The following ABCC4 variants were observed in gnomAD, a reference collection of about 807,000 sequenced individuals.
The protein encoded by ABCC4 is ATP-binding cassette sub-family C member 4.
A neutral mutation model predicts 168.5 loss-of-function variants in ABCC4; 102 were observed. The ratio of observed to expected loss-of-function variants is 0.61; its 90% CI spans 0.52 to 0.71. The LOEUF is 0.71. Among genes scored for constraint, ABCC4 ranks in the 30% least tolerant of loss-of-function variants. The pLI is 0.00. For missense variants in ABCC4, 1,402 were observed against 1,605.8 expected, an observed-to-expected ratio of 0.87 and a Z score of 2.17; for synonymous variants, 617 against 590.7, an observed-to-expected ratio of 1.04 and a Z score of -0.65.
intron 30 of ABCC4, 44 bp from the exon 31 acceptor site, chr13:95,021,726 T>G (rs2031097648): frequency 1.4e-6 from 2 of 1,399,688 alleles, no homozygotes; most frequent in South Asian, 1.2e-5. Flanking sequence ...TTTCAAAATT[T>G]TAAAGTCTCC....
At chr13:95,066,809 T>C (rs1193533636) in intron 25 of ABCC4, among the ~76,000 whole-genome samples, 24 of 152,222 alleles carry the variant, frequency 1.6e-4, no homozygotes, top group Admixed American at 1.6e-3. Context: ...ATTCCCTTGG[T>C]GTAGCTAGAA....
chr13:95,278,084 G>A (rs978761714), intron 1 of ABCC4, among the ~76,000 whole-genome samples: 17 of 151,736 alleles, frequency 1.1e-4, no homozygotes, highest in East Asian at 3.9e-4. Context: ...AGAGAACGCC[G>A]CATGCCATTG....
At chr13:95,247,231 A>C in intron 2 of ABCC4, 136 bp from the exon 3 acceptor site, 1 of 993,760 alleles carries the variant, frequency 1.0e-6, no homozygotes, top group African/African-American at 1.6e-5. Context: ...AATTGCTCCC[A>C]GGGCTCCTGA....
chr13:95,288,005 G>A (rs2041303981), intron 1 of ABCC4, among the ~76,000 whole-genome samples: 1 of 150,552 alleles, frequency 6.6e-6, no homozygotes, highest in South Asian at 2.1e-4. Context: ...TCGCACCACT[G>A]CACTCCAGCC....
intron 1 of ABCC4, among the ~76,000 whole-genome samples, chr13:95,254,490 T>C (rs959306376): frequency 6.6e-6 from 1 of 152,068 alleles, no homozygotes; most frequent in Non-Finnish European, 1.5e-5. Context: ...CTAAATAATG[T>C]CCAAACAGAA....
At chr13:95,031,331 C>T (rs758747570) in intron 30 of ABCC4, among the ~76,000 whole-genome samples, 7 of 152,148 alleles carry the variant, frequency 4.6e-5, no homozygotes, top group Non-Finnish European at 8.8e-5. Context: ...TGAATTTGGG[C>T]GACTAGCTGC....
At chr13:95,185,715 T>C (rs902877968) in intron 11 of ABCC4, among the ~76,000 whole-genome samples, 13 of 152,040 alleles carry the variant, frequency 8.6e-5, no homozygotes, top group African/African-American at 3.1e-4. Context: ...TATTTATCAG[T>C]ATTTACCATT....
At chr13:95,291,838 T>C (rs2041411976) in intron 1 of ABCC4, among the ~76,000 whole-genome samples, 2 of 152,170 alleles carry the variant, frequency 1.3e-5, no homozygotes, top group South Asian at 4.1e-4. Context: ...TCCCAGCTAC[T>C]CGGGAGGCTG....
Position 95,083,213 on chromosome 13 carries a change from A to G in ABCC4, c.2613T>C (p.Leu871=), listed in dbSNP as rs1173775078. 3 of 1,613,966 alleles carry G rather than the reference A, an allele frequency of 1.9e-6. No homozygotes were observed. The part of the protein sequence containing the change: ...IPWIAIPLVP[L]GIIFIFLRRY... The stretch of plus-strand genomic sequence containing the variant: ...GCCGAAGAAAAATGAAAATGATTCC[A>G]AGGGGAACCAAGGGTATTGCGATCC... The change falls in exon 21 of 31, where the codon CTT becomes CTC. Residue 871 remains leucine, a synonymous_variant. Coordinates refer to ENST00000645237, the MANE Select transcript of ABCC4 (RefSeq NM_005845.5).
chr13:95,206,438 T>C, intron 8 of ABCC4, 94 bp downstream of exon 8: 4 of 1,513,508 alleles, frequency 2.6e-6, no homozygotes, highest in Non-Finnish European at 3.6e-6. Flanking sequence ...GAGAGTTAAA[T>C]GTCATTACAC....
intron 21 of ABCC4, among the ~76,000 whole-genome samples, chr13:95,079,491 C>T (rs567860838): frequency 1.6e-4 from 24 of 152,284 alleles, no homozygotes; most frequent in African/African-American, 5.5e-4. Flanking sequence ...AGGCAACCCT[C>T]ATAAGTATTA....
chr13:95,264,835 G>C (rs1327816408), intron 1 of ABCC4, among the ~76,000 whole-genome samples: 2 of 149,018 alleles, frequency 1.3e-5, no homozygotes, highest in Non-Finnish European at 3.0e-5. Flanking sequence ...CTAAAATTTA[G>C]GTATAAGGGG....
At chr13:95,054,021 C>CTTTTTTTTTTTTTTTT (rs55980425) in intron 26 of ABCC4, 17 of 71,632 alleles carry the variant, frequency 2.4e-4, no homozygotes, top group African/African-American at 1.1e-3. Flanking sequence ...ATGGGACATC[C>CTTTTTTTTTTTTTTTT]TTTTTTTTTT....
At chr13:95,259,137 G>T (rs201078452) in intron 1 of ABCC4, among the ~76,000 whole-genome samples, 3 of 151,966 alleles carry the variant, frequency 2.0e-5, no homozygotes, top group Non-Finnish European at 1.5e-5. Context: ...CTGTAATCCC[G>T]GCACTTTAGG....
intron 3 of ABCC4, among the ~76,000 whole-genome samples, chr13:95,238,327 G>A (rs1214955377): frequency 6.6e-6 from 1 of 151,958 alleles, no homozygotes; most frequent in African/African-American, 2.4e-5. Flanking sequence ...TATACCTGAA[G>A]TCCTCTCTGA....
In ABCC4 at chr13:95,043,696, T is replaced by C. The variant is rs2032456453; in HGVS notation, c.3721A>G (p.Ser1241Gly). ...GAAGGACTCACCATTATCTTGTCGC[T>C]GTCAATAATGGTGTTCAATCTGTGT... ...IAHRLNTIID[S>G]DKIMVLDSGR... The change falls in exon 29 of 31, where the codon AGC becomes GGC. Residue 1241 changes from serine to glycine, a missense_variant. Coordinates refer to ENST00000645237, the MANE Select transcript of ABCC4 (RefSeq NM_005845.5). 1.2e-6 allele frequency: 2 copies of C among 1,611,626 alleles called. No homozygotes were observed. Among genetic ancestry groups the C allele is most frequent in the African/African-American group, 2.7e-5 (2 of 74,848 alleles).
chr13:95,043,576 G>A lies in ABCC4; in HGVS notation c.3735+106C>T, dbSNP rs1355414479. 3 of 923,576 alleles carry A rather than the reference G, an allele frequency of 3.2e-6. No homozygotes were observed. The African/African-American group carries it at 5.0e-5, about 15-fold the overall frequency. 57.2% of individuals were successfully genotyped at this position (923,576 alleles called of 1,614,324 possible). On this transcript the variant is annotated intron_variant, in intron 29 of 30. Coordinates refer to ENST00000645237, the MANE Select transcript of ABCC4 (RefSeq NM_005845.5). ...GCTGGGAAGAGAGCCAAAATTAACA[G>A]AAAATTAACTTACTAGGGGTTTCTA...
intron 29 of ABCC4, among the ~76,000 whole-genome samples, chr13:95,041,762 T>A (rs924622662): frequency 4.6e-5 from 7 of 152,150 alleles, no homozygotes; most frequent in Non-Finnish European, 1.0e-4. Flanking sequence ...TCCCCCGAAT[T>A]GAAAGCTGGC....
At chr13:95,062,583 C>T (rs545197651) in intron 26 of ABCC4, 121 bp downstream of exon 26, 14 of 861,166 alleles carry the variant, frequency 1.6e-5, no homozygotes, top group Non-Finnish European at 2.1e-5. Flanking sequence ...TAAAAACATG[C>T]TCTATTGGGT....
Sources: allele counts gnomAD v4.1 joint callset (sites outside exome capture counted in the v4.1 genomes callset), GRCh38; gene constraint gnomAD v4.1.1; transcripts MANE v1.5; gene names NCBI Gene and HGNC (gene_info 2026-07-23, HGNC 2026-07-21).